The following LRGUK variants were observed in gnomAD, a reference collection of about 807,000 sequenced individuals.
The protein encoded by LRGUK is leucine-rich repeat and guanylate kinase domain-containing protein.
Under a neutral mutation model 76.0 loss-of-function variants are expected in LRGUK, and 65 were observed. The ratio of observed to expected loss-of-function variants is 0.85; its 90% CI spans 0.70 to 1.05. LRGUK has a LOEUF of 1.05. Among genes scored for constraint, LRGUK ranks in the 50% least tolerant of loss-of-function variants. LRGUK has a pLI of 0.00. For missense variants in LRGUK, 758 were observed against 732.8 expected (o/e 1.03, Z -0.40); for synonymous variants, 268 against 265.6 (o/e 1.01, Z -0.09).
intron 16 of LRGUK, among the ~76,000 whole-genome samples, chr7:134,235,476 T>C (rs954982121): frequency 1.3e-5 from 2 of 152,340 alleles, no homozygotes; most frequent in East Asian, 1.9e-4. Flanking sequence ...TAATTTATAC[T>C]GCAACCTGTA....
At chr7:134,184,189 G>A (rs1266463683) in intron 11 of LRGUK, among the ~76,000 whole-genome samples, 1 of 152,042 alleles carries the variant, frequency 6.6e-6, no homozygotes, top group Non-Finnish European at 1.5e-5. Flanking sequence ...TAATCGATAT[G>A]GTAAAGATGA....
In LRGUK at chr7:134,249,608, AT is replaced by A. The variant is rs1802395574; in HGVS notation, c.2198+534del. ...TCTGTATTTGCAACCAACCATTCTGATTAGTATGACGCTGTATTTCAAAATG... is the reference window on the plus strand; with the variant it reads ...TCTGTATTTGCAACCAACCATTCTGATAGTATGACGCTGTATTTCAAAATG... On this transcript the variant is annotated intron_variant, in intron 18 of 19. Transcript: ENST00000285928. 2.6e-5 allele frequency among the ~76,000 whole-genome samples: 4 copies of A among 152,228 alleles called. No individual in the cohort carries two copies. The South Asian group carries it at 8.3e-4, about 32-fold the overall frequency.
intron 16 of LRGUK, among the ~76,000 whole-genome samples, chr7:134,237,117 C>T (rs193296295): frequency 0.01 from 1,458 of 143,434 alleles, 64 homozygotes; most frequent in Admixed American, 0.083. Flanking sequence ...TGCAGTGGCA[C>T]GATCTTGGCT....
chr7:134,226,182 T>C (rs1801737504), intron 16 of LRGUK, among the ~76,000 whole-genome samples: 2 of 151,540 alleles, frequency 1.3e-5, no homozygotes, highest in African/African-American at 4.9e-5. Flanking sequence ...ATGAGGGCTT[T>C]GACAGTGATG....
Position 134,247,664 on chromosome 7 carries a change from G to A in LRGUK, c.2072+20G>A. The A allele has an allele frequency of 6.4e-7, 1 of 1,560,786 alleles. No homozygotes were observed. The highest frequency in any genetic ancestry group is 1.7e-5 in the Admixed American group (1 of 59,560). On this transcript the variant is annotated intron_variant, in intron 17 of 19. Transcript: ENST00000285928. ...TCAAAGGTAGCAATTTATCACATGAGCAACTTTAGATTGATTTCCTAGTGT... is the reference window on the plus strand; with the variant it reads ...TCAAAGGTAGCAATTTATCACATGAACAACTTTAGATTGATTTCCTAGTGT...
chr7:134,249,106 T>C, intron 18 of LRGUK, 30 bp downstream of exon 18: 1 of 1,535,708 alleles, frequency 6.5e-7, no homozygotes, highest in African/African-American at 1.4e-5. Flanking sequence ...TGGATGGAAT[T>C]GGCTATTTTC....
At chr7:134,186,472 A>G (rs1269366100) in intron 11 of LRGUK, among the ~76,000 whole-genome samples, 3 of 152,194 alleles carry the variant, frequency 2.0e-5, no homozygotes, top group Non-Finnish European at 1.5e-5. Flanking sequence ...CCAGACACTT[A>G]ATATGTGTGT....
intron 6 of LRGUK, among the ~76,000 whole-genome samples, chr7:134,160,370 A>G (rs1798672344): frequency 6.6e-6 from 1 of 152,182 alleles, no homozygotes; most frequent in South Asian, 2.1e-4. Context: ...ATCACCCAAG[A>G]TCAACTAGAA....
At chr7:134,166,304 A>G (rs1798979904) in intron 7 of LRGUK, among the ~76,000 whole-genome samples, 3 of 152,100 alleles carry the variant, frequency 2.0e-5, no homozygotes, top group Admixed American at 6.5e-5. Context: ...TCTTAAGGCC[A>G]CTTGAGAATG....
chr7:134,199,500 C>T, intron 14 of LRGUK, 79 bp downstream of exon 14: 1 of 1,300,116 alleles, frequency 7.7e-7, no homozygotes, highest in Non-Finnish European at 1.1e-6. Context: ...GGATAAAATT[C>T]TTGGGTAAAA....
At position 134,132,406 on chromosome 7, in the gene LRGUK, A is replaced by T. The variant is rs531510586; in HGVS notation, c.298-4617A>T. Reference sequence around the variant, plus strand: ...GAATGGGTTACGCTACAAATAGGTTAAGTGGGAAGAGGCCTAAAAAGTGCT... The same window carrying T: ...GAATGGGTTACGCTACAAATAGGTTTAGTGGGAAGAGGCCTAAAAAGTGCT... On this transcript the variant is annotated intron_variant, in intron 1 of 15. Transcript: ENST00000645682. Among the ~76,000 whole-genome samples, 7 of 152,258 alleles carry T rather than the reference A, an allele frequency of 4.6e-5. No individual in the cohort carries two copies. The South Asian group carries it at 1.0e-3, about 23-fold the overall frequency.
At chr7:134,154,806 G>A (rs1210678483) in intron 5 of LRGUK, among the ~76,000 whole-genome samples, 1 of 152,182 alleles carries the variant, frequency 6.6e-6, no homozygotes, top group Non-Finnish European at 1.5e-5. Context: ...GTGACTAGCT[G>A]TGGGATTCCA....
At chr7:134,254,717 T>G (rs1192426003) in intron 18 of LRGUK, among the ~76,000 whole-genome samples, 3 of 152,062 alleles carry the variant, frequency 2.0e-5, no homozygotes, top group African/African-American at 7.2e-5. Flanking sequence ...ACTAATAAAT[T>G]AACATGTGGA....
chr7:134,150,333 G>T (rs568932040), intron 5 of LRGUK, among the ~76,000 whole-genome samples: 1 of 151,834 alleles, frequency 6.6e-6, no homozygotes, highest in Non-Finnish European at 1.5e-5. Context: ...CTGATGGCAC[G>T]TGCCTGTAGT....
At chr7:134,246,395 T>G (rs1385608765) in intron 16 of LRGUK, among the ~76,000 whole-genome samples, 2 of 152,220 alleles carry the variant, frequency 1.3e-5, no homozygotes, top group African/African-American at 2.4e-5. Context: ...TCGCTACAGA[T>G]CAGTTATTGT....
chr7:134,186,197 G>T (rs1799974176), intron 11 of LRGUK, among the ~76,000 whole-genome samples: 1 of 152,180 alleles, frequency 6.6e-6, no homozygotes, highest in Non-Finnish European at 1.5e-5. Flanking sequence ...CTACTGCTAA[G>T]ACATACTTTG....
chr7:134,159,777 A>G (rs1798644905), intron 6 of LRGUK, among the ~76,000 whole-genome samples: 1 of 152,204 alleles, frequency 6.6e-6, no homozygotes, highest in Admixed American at 6.5e-5. Flanking sequence ...TGACAGAGCA[A>G]GACTCCGTCT....
At chr7:134,252,438 A>G (rs1042886689) in intron 18 of LRGUK, among the ~76,000 whole-genome samples, 2 of 152,226 alleles carry the variant, frequency 1.3e-5, no homozygotes, top group Non-Finnish European at 2.9e-5. Flanking sequence ...AAAAGAAGAC[A>G]GTCCCAAGAA....
intron 16 of LRGUK, among the ~76,000 whole-genome samples, chr7:134,234,204 A>G (rs144802651): frequency 9.2e-4 from 140 of 152,214 alleles, no homozygotes; most frequent in African/African-American, 3.1e-3. Flanking sequence ...CATGAGGCCA[A>G]TTCCCAATAT....
Sources: allele counts gnomAD v4.1 joint callset (sites outside exome capture counted in the v4.1 genomes callset), GRCh38; gene constraint gnomAD v4.1.1; transcripts MANE v1.5; gene names NCBI Gene and HGNC (gene_info 2026-07-23, HGNC 2026-07-21).